The following LRP1B variants were observed in gnomAD, a reference collection of about 807,000 sequenced individuals.
LRP1B encodes low-density lipoprotein receptor-related protein 1B.
A neutral mutation model predicts 556.6 loss-of-function variants in LRP1B; 217 were observed. That is an observed-to-expected ratio of 0.39 (90% confidence interval 0.35 to 0.44). The LOEUF is 0.44. Among genes scored for constraint, LRP1B ranks in the 20% least tolerant of loss-of-function variants. LRP1B has a pLI of 1.00. For synonymous variants in LRP1B, 2,047 were observed against 1,865.8 expected, an observed-to-expected ratio of 1.10 and a Z score of -2.50; for missense variants, 5,053 against 5,620.8, an observed-to-expected ratio of 0.90 and a Z score of 3.23.
intron 21 of LRP1B, among the ~76,000 whole-genome samples, chr2:140,909,253 C>A (rs1443077912): frequency 6.6e-6 from 1 of 152,022 alleles, no homozygotes; most frequent in East Asian, 1.9e-4. Flanking sequence ...TATTGACTGA[C>A]TACATACCAG....
chr2:141,706,440 A>G (rs542993488), intron 2 of LRP1B, among the ~76,000 whole-genome samples: 1 of 152,166 alleles, frequency 6.6e-6, no homozygotes, highest in African/African-American at 2.4e-5. Context: ...TGTTCAATCA[A>G]ATGCATTGAC....
rs1257265052 is a variant in LRP1B at position 140,700,452 on chromosome 2, A to G, written c.6597T>C (p.Ser2199=). 2 of 1,613,422 alleles carry G rather than the reference A, an allele frequency of 1.2e-6. No individual in the cohort carries two copies. Among genetic ancestry groups the G allele is most frequent in the South Asian group, 2.2e-5 (2 of 91,062 alleles). Residue 2199 remains serine, a synonymous_variant, in exon 41 of 91, where the codon AGT becomes AGC. Transcript: ENST00000389484. ...LLYSGRTILK[S]IHLSDETNLN... ...AATTGGTTTCATCAGAAAGATGTAT[A>G]CTTTTTAATATTGTTCTTCCTGAAT...
intron 1 of LRP1B, among the ~76,000 whole-genome samples, chr2:142,108,004 T>C (rs1706818733): frequency 1.3e-5 from 2 of 150,614 alleles, no homozygotes; most frequent in African/African-American, 2.4e-5. Context: ...TTATGTCATA[T>C]ATGTTCATAA....
In LRP1B at chr2:140,405,822, T is replaced by C. The variant is rs142554050; in HGVS notation, c.10415-19813A>G. On this transcript the variant is annotated intron_variant, in intron 66 of 90. Coordinates refer to ENST00000389484, the MANE Select transcript of LRP1B (RefSeq NM_018557.3). The stretch of plus-strand genomic sequence containing the variant: ...AACTACACCAAAATATTGAGAAAGA[T>C]AGAATCCTTCCTAAATCATTCTATG... Among the ~76,000 whole-genome samples, 531 of 152,218 alleles carry C rather than the reference T, an allele frequency of 3.5e-3. 4 individuals carry two copies. The highest frequency in any genetic ancestry group is 0.012 in the African/African-American group (512 of 41,552).
In LRP1B at chr2:140,946,743, A is replaced by C. The variant is rs370367766; in HGVS notation, c.3136+3492T>G. 8.9e-4 allele frequency among the ~76,000 whole-genome samples: 136 copies of C among 152,316 alleles called. 1 individual carries two copies. Among genetic ancestry groups the C allele is most frequent in the Non-Finnish European group, 1.1e-3 (73 of 68,016 alleles). ...CCCATACTTGTATGTTTATCACTGC[A>C]CTACTCACAGTGGCAGACATGGAAT... On this transcript the variant is annotated intron_variant, in intron 20 of 90. Coordinates refer to ENST00000389484, the MANE Select transcript of LRP1B (RefSeq NM_018557.3).
At chr2:140,580,842 G>A (rs978153756) in intron 43 of LRP1B, among the ~76,000 whole-genome samples, 1 of 151,930 alleles carries the variant, frequency 6.6e-6, no homozygotes, top group Non-Finnish European at 1.5e-5. Flanking sequence ...TCTATGGGGA[G>A]GGCTGCTCCA....
chr2:141,349,690 A>T (rs918867732), intron 3 of LRP1B, among the ~76,000 whole-genome samples: 5 of 152,074 alleles, frequency 3.3e-5, no homozygotes. Flanking sequence ...AACTTGTTAG[A>T]TATTTCTCTA....
intron 66 of LRP1B, among the ~76,000 whole-genome samples, chr2:140,389,940 C>T (rs534414413): frequency 8.6e-5 from 13 of 151,760 alleles, no homozygotes; most frequent in Non-Finnish European, 1.6e-4. Context: ...ACCAGCCTGG[C>T]CAACTGATTG....
At chr2:140,739,053 C>A (rs992272149) in intron 35 of LRP1B, among the ~76,000 whole-genome samples, 1 of 152,144 alleles carries the variant, frequency 6.6e-6, no homozygotes, top group African/African-American at 2.4e-5. Flanking sequence ...CTGCCACATT[C>A]CCCATTAAGC....
chr2:140,531,502 TC>T (rs771652781), intron 47 of LRP1B, among the ~76,000 whole-genome samples: 4 of 152,166 alleles, frequency 2.6e-5, no homozygotes, highest in African/African-American at 4.8e-5. Context: ...TGCAAGTGTT[TC>T]CCCAAAGTCA....
intron 11 of LRP1B, among the ~76,000 whole-genome samples, chr2:141,032,665 A>G (rs1184434489): frequency 6.6e-6 from 1 of 151,572 alleles, no homozygotes; most frequent in Non-Finnish European, 1.5e-5. Flanking sequence ...TTTTTCTGAT[A>G]TTGTCTTTAT....
rs143666647 is a variant in LRP1B, at chr2:141,266,020, G to C, written c.344-11379C>G. 3.2e-3 allele frequency among the ~76,000 whole-genome samples: 491 copies of C among 152,194 alleles called. 3 individuals carry two copies. Among genetic ancestry groups the C allele is most frequent in the African/African-American group, 0.011 (466 of 41,550 alleles). Reference sequence around the variant, plus strand: ...GTGATATGCATAACTTCTGTGTCAGGGAGAGTAGGAATATGCATGTCTGGC... The same window carrying C: ...GTGATATGCATAACTTCTGTGTCAGCGAGAGTAGGAATATGCATGTCTGGC... On this transcript the variant is annotated intron_variant, in intron 3 of 90. Coordinates refer to ENST00000389484, the MANE Select transcript of LRP1B (RefSeq NM_018557.3).
At chr2:141,945,734 C>T (rs1700934891) in intron 1 of LRP1B, among the ~76,000 whole-genome samples, 1 of 151,792 alleles carries the variant, frequency 6.6e-6, no homozygotes, top group South Asian at 2.1e-4. Context: ...CTCCCCCATT[C>T]CAAGTTGTAC....
intron 3 of LRP1B, among the ~76,000 whole-genome samples, chr2:141,431,679 T>A (rs1403872762): frequency 6.6e-6 from 1 of 152,196 alleles, no homozygotes; most frequent in African/African-American, 2.4e-5. Context: ...TTTTAGGATA[T>A]ATGTTTCTCA....
intron 43 of LRP1B, among the ~76,000 whole-genome samples, chr2:140,561,883 A>G (rs947163203): frequency 1.4e-4 from 21 of 152,118 alleles, no homozygotes; most frequent in African/African-American, 4.8e-4. Context: ...TATATAAAAA[A>G]TAATACATGA....
chr2:140,512,205 ATG>A, intron 51 of LRP1B, among the ~76,000 whole-genome samples: 1 of 152,316 alleles, frequency 6.6e-6, no homozygotes, highest in East Asian at 1.9e-4. Context: ...AATGATGGGT[ATG>A]ACTAGATCAT....
rs528775977 is a variant in LRP1B, at chr2:140,291,466, C to T, written c.12967+6342G>A. 2.8e-4 allele frequency among the ~76,000 whole-genome samples: 43 copies of T among 151,506 alleles called. No individual in the cohort carries two copies. The South Asian group carries it at 9.0e-3, about 32-fold the overall frequency. ...CTAATGCTATCCCTCCTCACTCCCC[C>T]CACCCCACAACAGGCCCCGGTGTGT... On this transcript the variant is annotated intron_variant, in intron 84 of 90. Coordinates refer to ENST00000389484, the MANE Select transcript of LRP1B (RefSeq NM_018557.3).
intron 1 of LRP1B, among the ~76,000 whole-genome samples, chr2:141,864,489 A>G (rs552081473): frequency 6.6e-6 from 1 of 152,108 alleles, no homozygotes; most frequent in South Asian, 2.1e-4. Context: ...ACTCAGCAAC[A>G]GTGTTCAAAC....
chr2:141,198,979 TG>T (rs1320917433), intron 6 of LRP1B, among the ~76,000 whole-genome samples: 2 of 152,164 alleles, frequency 1.3e-5, no homozygotes, highest in Non-Finnish European at 2.9e-5. Flanking sequence ...CTCTTCTGGA[TG>T]GCTACAATAG....
Sources: gnomAD v4.1 joint callset for allele counts (sites outside exome capture counted in the v4.1 genomes callset) on GRCh38, gnomAD v4.1.1 for gene constraint, MANE v1.5 for transcripts, NCBI Gene and HGNC (gene_info 2026-07-23, HGNC 2026-07-21) for gene names.